Variants in ABCC4 observed in about 807,000 individuals in gnomAD.
ABCC4 encodes the protein ATP-binding cassette sub-family C member 4.
Under a neutral mutation model 168.5 loss-of-function variants are expected in ABCC4, and 102 were observed. That is an observed-to-expected ratio of 0.61 (90% CI 0.52 to 0.71). ABCC4 has a LOEUF of 0.71. Ranked by LOEUF, ABCC4 falls within the 30% of genes least tolerant of loss-of-function variation. ABCC4 has a pLI of 0.00. For missense variants in ABCC4, 1,402 were observed against 1,605.8 expected, an observed-to-expected ratio of 0.87 and a Z score of 2.17; for synonymous variants, 617 against 590.7, an observed-to-expected ratio of 1.04 and a Z score of -0.65.
intron 3 of ABCC4, among the ~76,000 whole-genome samples, chr13:95,236,578 C>T (rs533127342): frequency 7.1e-5 from 10 of 140,470 alleles, no homozygotes; most frequent in South Asian, 2.4e-4. Context: ...AAGCCTGTCT[C>T]GGCATGTGAA....
chr13:95,207,665 T>C, intron 7 of ABCC4, 135 bp downstream of exon 7: 2 of 862,576 alleles, frequency 2.3e-6, no homozygotes, highest in South Asian at 3.6e-5. Flanking sequence ...TTAACCCAAC[T>C]GCCAAGCGTG....
Position 95,043,740 on chromosome 13 carries a change from C to T in ABCC4, c.3677G>A (p.Cys1226Tyr). 6.2e-7 allele frequency: 1 copy of T among 1,613,934 alleles called. No individual in the cohort carries two copies. Among genetic ancestry groups the T allele is most frequent in the Non-Finnish European group, 8.5e-7 (1 of 1,179,920 alleles). ...TCTGTGTGCAATGGTTAGCACGGTG[C>T]AGTGGGCAAATTTCTCCCGGATTTT... The part of the protein sequence containing the change: ...QKKIREKFAH[C>Y]TVLTIAHRLN... The change falls in exon 29 of 31, where the codon TGC (cysteine) becomes TAC (tyrosine). Residue 1226 changes from cysteine to tyrosine, a missense_variant. Physicochemically the swap from Cys to Tyr is radical, Grantham distance 194 (BLOSUM62 -2). Around this residue, in one of 3 missense-constraint regions of ABCC4, gnomAD observed 1,007 missense variants for 1,127.3 expected, o/e 0.89. Transcript: ENST00000645237.
intron 14 of ABCC4, among the ~76,000 whole-genome samples, chr13:95,169,648 T>A (rs73559676): frequency 0.022 from 3,369 of 152,118 alleles, 137 homozygotes; most frequent in African/African-American, 0.077. Flanking sequence ...CACCCCTCCA[T>A]TTCCTTCCTT....
intron 4 of ABCC4, among the ~76,000 whole-genome samples, chr13:95,223,113 G>A (rs1236215578): frequency 6.6e-6 from 1 of 152,164 alleles, no homozygotes; most frequent in Non-Finnish European, 1.5e-5. Context: ...GAAAACACCT[G>A]AAAATTTCCA....
At chr13:95,271,070 G>A (rs991386490) in intron 1 of ABCC4, among the ~76,000 whole-genome samples, 42 of 152,162 alleles carry the variant, frequency 2.8e-4, no homozygotes, top group African/African-American at 9.7e-4. Context: ...ACTCCAGCCT[G>A]GGGGACAGAG....
intron 30 of ABCC4, among the ~76,000 whole-genome samples, chr13:95,022,325 A>G (rs1036482410): frequency 6.6e-6 from 1 of 152,220 alleles, no homozygotes; most frequent in Non-Finnish European, 1.5e-5. Flanking sequence ...ATAATAGGAC[A>G]GTTCTTTGCC....
chr13:95,230,467 T>C (rs2039588350), intron 4 of ABCC4, among the ~76,000 whole-genome samples: 2 of 152,180 alleles, frequency 1.3e-5, no homozygotes, highest in South Asian at 2.1e-4. Flanking sequence ...AATAAATATA[T>C]ACTCAAAAGT....
At chr13:95,040,226 C>T (rs1354008941) in intron 29 of ABCC4, among the ~76,000 whole-genome samples, 1 of 152,220 alleles carries the variant, frequency 6.6e-6, no homozygotes, top group South Asian at 2.1e-4. Flanking sequence ...ATTTATTCTC[C>T]CAGTGTGTTC....
rs562483074 is a variant in ABCC4, at chr13:95,049,789, A to AT, written c.3456+3305dup. Among the ~76,000 whole-genome samples, 357 of 152,316 alleles carry AT rather than the reference A, an allele frequency of 2.3e-3. 1 individual carries two copies. The highest frequency in any genetic ancestry group is 6.1e-3 in the African/African-American group (255 of 41,586). On this transcript the variant is annotated intron_variant, in intron 27 of 30. Transcript: ENST00000645237. ...TCCAAGGGATCATGGGTAAGAAGAA[A>AT]TAAAAAAAACTTCCAAGAAATAAAA...
At chr13:95,182,746 A>G (rs1346520632) in intron 11 of ABCC4, among the ~76,000 whole-genome samples, 3 of 152,204 alleles carry the variant, frequency 2.0e-5, no homozygotes, top group Admixed American at 1.3e-4. Context: ...AAAATCACAC[A>G]CCTACTGAAG....
chr13:95,055,023 A>T (rs751533959), intron 26 of ABCC4, among the ~76,000 whole-genome samples: 3 of 152,234 alleles, frequency 2.0e-5, no homozygotes, highest in Non-Finnish European at 2.9e-5. Flanking sequence ...TAAAGCTGAT[A>T]AAGTGGCCAA....
intron 30 of ABCC4, among the ~76,000 whole-genome samples, chr13:95,024,646 T>C (rs2031298464): frequency 6.6e-6 from 1 of 152,208 alleles, no homozygotes; most frequent in Non-Finnish European, 1.5e-5. Context: ...CTGATGTGTA[T>C]GGCCCTAATT....
intron 27 of ABCC4, among the ~76,000 whole-genome samples, chr13:95,047,074 G>C (rs535947573): frequency 1.3e-5 from 2 of 152,230 alleles, no homozygotes; most frequent in African/African-American, 4.8e-5. Context: ...GGCTATAAGA[G>C]AGGAAGCAAA....
At chr13:95,121,481 C>T (rs1408627131) in intron 19 of ABCC4, among the ~76,000 whole-genome samples, 1 of 148,690 alleles carries the variant, frequency 6.7e-6, no homozygotes, top group Non-Finnish European at 1.5e-5. Flanking sequence ...GGTCAAGGCT[C>T]ACTGGAGCCT....
At chr13:95,089,846 C>G (rs1378457244) in intron 20 of ABCC4, among the ~76,000 whole-genome samples, 1 of 151,716 alleles carries the variant, frequency 6.6e-6, no homozygotes, top group Non-Finnish European at 1.5e-5. Flanking sequence ...CCACTGCACT[C>G]CAGCCTAGGT....
intron 10 of ABCC4, 57 bp from the exon 11 acceptor site, chr13:95,186,949 C>T (rs4148487): frequency 0.091 from 131,856 of 1,442,214 alleles, 6,290 homozygotes; most frequent in East Asian, 0.099. Flanking sequence ...AAGAATAAGC[C>T]ACTGCAATGC....
At chr13:95,045,707 A>C (rs2032547481) in intron 27 of ABCC4, among the ~76,000 whole-genome samples, 1 of 152,198 alleles carries the variant, frequency 6.6e-6, no homozygotes, top group Non-Finnish European at 1.5e-5. Context: ...AACTCAGGTG[A>C]CATTTGAGAG....
At chr13:95,186,300 G>A (rs2038056195) in intron 11 of ABCC4, among the ~76,000 whole-genome samples, 1 of 152,098 alleles carries the variant, frequency 6.6e-6, no homozygotes, top group Admixed American at 6.6e-5. Flanking sequence ...CTGGGTTGGG[G>A]GTGGAGCTAG....
intron 1 of ABCC4, among the ~76,000 whole-genome samples, chr13:95,269,829 G>A (rs2040798050): frequency 6.6e-6 from 1 of 152,050 alleles, no homozygotes; most frequent in Non-Finnish European, 1.5e-5. Flanking sequence ...GACAGTGTGG[G>A]GTTTTGCAAG....
Sources: gnomAD v4.1 joint callset for allele counts (sites outside exome capture counted in the v4.1 genomes callset) on GRCh38, gnomAD v4.1.1 for gene constraint, gnomAD v4.1.1 regional missense constraint, MANE v1.5 for transcripts, NCBI Gene and HGNC (gene_info 2026-07-23, HGNC 2026-07-21) for gene names.